KCNQ1: variants seen among roughly 807,000 people sequenced by gnomAD.
KCNQ1 encodes the protein potassium voltage-gated channel subfamily Q member 1.
Under a neutral mutation model 72.4 loss-of-function variants are expected in KCNQ1, and 49 were observed. The observed-to-expected ratio is 0.68, with a 90% confidence interval of 0.54 to 0.86. The LOEUF (loss-of-function observed/expected upper bound fraction) is 0.86, where lower values mean the gene tolerates loss of function less well. KCNQ1 is among the 40% of genes least tolerant of loss of function. KCNQ1 has a pLI of 0.00. For missense variants in KCNQ1, 790 were observed against 945.1 expected, an observed-to-expected ratio of 0.84 and a Z score of 2.15; for synonymous variants, 450 against 412.6, an observed-to-expected ratio of 1.09 and a Z score of -1.10.
At chr11:2,557,252 G>A (rs924617136) in intron 2 of KCNQ1, among the ~76,000 whole-genome samples, 1 of 152,222 alleles carries the variant, frequency 6.6e-6, no homozygotes, top group Non-Finnish European at 1.5e-5. Context: ...TAGAAGACCT[G>A]ACTGTAATCT....
chr11:2,567,291 G>A lies in KCNQ1; in HGVS notation c.478-3337G>A, dbSNP rs905329966. 3.9e-5 allele frequency among the ~76,000 whole-genome samples: 6 copies of A among 152,156 alleles called. No individual in the cohort carries two copies. The highest frequency in any genetic ancestry group is 1.4e-4 in the African/African-American group (6 of 41,420). On this transcript the variant is annotated intron_variant, in intron 2 of 15. Transcript: ENST00000155840. This position sits in a 1 kb window ranked among gnomAD's most constrained non-coding sequence, Gnocchi z 6.6. Reference sequence around the variant, plus strand: ...GTCTGCAAATACAGATGAACCCAGGGTTAGGAGGGTGGCTGGGGCATCACC... The same window carrying A: ...GTCTGCAAATACAGATGAACCCAGGATTAGGAGGGTGGCTGGGGCATCACC...
chr11:2,653,324 C>T lies in KCNQ1; in HGVS notation c.1394-8637C>T, dbSNP rs1003566163. On this transcript the variant is annotated intron_variant, in intron 10 of 15. Transcript: ENST00000155840. The surrounding 1 kb of genome is among the most constrained non-coding windows in gnomAD (Gnocchi z 5.3). ...TAGCTATTTTGTAACCTTGACTGCCCCCAGGCCCATGTCCGTAGGCTCACA... is the reference window on the plus strand; with the variant it reads ...TAGCTATTTTGTAACCTTGACTGCCTCCAGGCCCATGTCCGTAGGCTCACA... 2 of 398,712 alleles carry T rather than the reference C, an allele frequency of 5.0e-6. No individual in the cohort carries two copies. The highest frequency in any genetic ancestry group is 8.8e-6 in the Non-Finnish European group (2 of 226,126). 24.7% of individuals were successfully genotyped at this position (398,712 alleles called of 1,614,324 possible).
chr11:2,732,674 C>T (rs1845875796), intron 11 of KCNQ1, among the ~76,000 whole-genome samples: 1 of 152,238 alleles, frequency 6.6e-6, no homozygotes, highest in African/African-American at 2.4e-5. Flanking sequence ...GAACAATCGC[C>T]CCAGTGTGCA....
chr11:2,586,331 C>T (rs1463470163), intron 8 of KCNQ1, among the ~76,000 whole-genome samples: 1 of 152,180 alleles, frequency 6.6e-6, no homozygotes, highest in Non-Finnish European at 1.5e-5. Flanking sequence ...GCTCAGCCAT[C>T]GGGGGGGCTG....
rs931661600 is a variant in KCNQ1, at chr11:2,817,157, C to A, written c.1795-30610C>A. ...GGCTCTGCTCCACAGGCCAACTCTG[C>A]GCACGCTCCTTTCAAGGGTTAACGG... On this transcript the variant is annotated intron_variant, in intron 15 of 15. Transcript: ENST00000155840. This position sits in a 1 kb window ranked among gnomAD's most constrained non-coding sequence, Gnocchi z 6.1. Among the ~76,000 whole-genome samples the A allele has an allele frequency of 6.6e-6, 1 of 152,198 alleles. No homozygotes were observed. The highest frequency in any genetic ancestry group is 1.9e-4 in the East Asian group (1 of 5,178).
At chr11:2,730,970 G>A (rs767775229) in intron 11 of KCNQ1, among the ~76,000 whole-genome samples, 33 of 152,340 alleles carry the variant, frequency 2.2e-4, no homozygotes, top group Middle Eastern at 3.4e-3. Flanking sequence ...CCTCCCAGCC[G>A]CCGCTCTCTG....
In KCNQ1 at chr11:2,491,699, A is replaced by T. The variant is rs536144972; in HGVS notation, c.387-36229A>T. Among the ~76,000 whole-genome samples the T allele has an allele frequency of 1.3e-5, 2 of 152,332 alleles. No homozygotes were observed. Among genetic ancestry groups the T allele is most frequent in the East Asian group, 3.9e-4 (2 of 5,190 alleles). On this transcript the variant is annotated intron_variant, in intron 1 of 15. Transcript: ENST00000155840. The surrounding 1 kb of genome is among the most constrained non-coding windows in gnomAD (Gnocchi z 4.1). ...TAGAACTTCCCAAACCTAGAGAAAG[A>T]TACCAATATTCAAATACAAGAAGAT...
Position 2,619,809 on chromosome 11 carries a change from G to T in KCNQ1, c.1393+30955G>T, listed in dbSNP as rs185464443. On this transcript the variant is annotated intron_variant, in intron 10 of 15. Transcript: ENST00000155840. ...TGAATATTGGGTAGTATTCAGTCAT[G>T]AAGCTATCTGGTCCTGGGCTTTTCT... The T allele has an allele frequency of 8.4e-4, 334 of 398,148 alleles. 2 individuals are homozygous for T. The highest frequency in any genetic ancestry group is 5.7e-3 in the African/African-American group (275 of 48,540). 24.7% of individuals were successfully genotyped at this position (398,148 alleles called of 1,614,324 possible). A position where few individuals can be genotyped will look rare whatever the true frequency, so the allele number is the denominator to read the frequency against.
At chr11:2,840,132 CAATT>C (rs1191034782) in intron 15 of KCNQ1, 1 of 146,326 alleles carries the variant, frequency 6.8e-6, no homozygotes, top group African/African-American at 2.6e-5. Flanking sequence ...CATAAACAAT[CAATT>C]AACACATTTT....
At position 2,654,149 on chromosome 11, in the gene KCNQ1, G is replaced by C. The variant is rs1849800403; in HGVS notation, c.1394-7812G>C. 1 of 398,580 alleles carries C rather than the reference G, an allele frequency of 2.5e-6. No individual in the cohort carries two copies. Among genetic ancestry groups the C allele is most frequent in the Non-Finnish European group, 4.4e-6 (1 of 225,984 alleles). 24.7% of individuals were successfully genotyped at this position (398,580 alleles called of 1,614,324 possible). Reference sequence around the variant, plus strand: ...GGGGCCACTCTGGCTCAGGGTCTATGAGCCGGGCATGGGCAGCTGGCACAG... The same window carrying C: ...GGGGCCACTCTGGCTCAGGGTCTATCAGCCGGGCATGGGCAGCTGGCACAG... On this transcript the variant is annotated intron_variant, in intron 10 of 15. Transcript: ENST00000155840. The surrounding 1 kb of genome is among the most constrained non-coding windows in gnomAD (Gnocchi z 6.4).
chr11:2,662,761 C>T (rs1362051279), intron 11 of KCNQ1: 9 of 399,166 alleles, frequency 2.3e-5, no homozygotes, highest in Admixed American at 2.2e-4. Context: ...GCTGCTAACC[C>T]GTTGGGGATT....
chr11:2,519,384 T>G (rs777875864), intron 1 of KCNQ1, among the ~76,000 whole-genome samples: 8 of 152,228 alleles, frequency 5.3e-5, no homozygotes, highest in Non-Finnish European at 1.2e-4. Context: ...TCAGATGCAA[T>G]TCCATTAAGG....
intron 1 of KCNQ1, among the ~76,000 whole-genome samples, chr11:2,456,182 A>G (rs1846188574): frequency 6.6e-6 from 1 of 152,074 alleles, no homozygotes; most frequent in Admixed American, 6.5e-5. Flanking sequence ...TACTAAAAAT[A>G]CAAAAATTAG....
chr11:2,516,752 C>T lies in KCNQ1; in HGVS notation c.387-11176C>T, dbSNP rs1286912310. Among the ~76,000 whole-genome samples the T allele has an allele frequency of 2.0e-5, 3 of 152,182 alleles. No individual in the cohort carries two copies. Among genetic ancestry groups the T allele is most frequent in the Admixed American group, 6.5e-5 (1 of 15,280 alleles). On this transcript the variant is annotated intron_variant, in intron 1 of 15. Coordinates refer to ENST00000155840, the MANE Select transcript of KCNQ1 (RefSeq NM_000218.3). The surrounding 1 kb of genome is among the most constrained non-coding windows in gnomAD (Gnocchi z 7.0). Reference sequence around the variant, plus strand: ...AGCCATGCCCGGCCGAATATTGCCACAGAGGCCACCTGCCCCACCACGCCT... The same window carrying T: ...AGCCATGCCCGGCCGAATATTGCCATAGAGGCCACCTGCCCCACCACGCCT...
At chr11:2,793,375 T>C (rs1847069722) in intron 15 of KCNQ1, among the ~76,000 whole-genome samples, 1 of 137,014 alleles carries the variant, frequency 7.3e-6, no homozygotes, top group African/African-American at 2.8e-5. Context: ...ATCCCAGCTC[T>C]TTAGGAGGCC....
chr11:2,532,901 A>G (rs1847664694), intron 2 of KCNQ1, among the ~76,000 whole-genome samples: 1 of 152,166 alleles, frequency 6.6e-6, no homozygotes, highest in Non-Finnish European at 1.5e-5. Context: ...GGGAGGTACG[A>G]GAAGCAAAGG....
chr11:2,454,055 C>T (rs1488875852), intron 1 of KCNQ1, among the ~76,000 whole-genome samples: 2 of 152,056 alleles, frequency 1.3e-5, no homozygotes, highest in Non-Finnish European at 2.9e-5. Flanking sequence ...CAGGTATGAG[C>T]CACCACACCT....
chr11:2,834,289 T>G (rs1590118938), intron 15 of KCNQ1, among the ~76,000 whole-genome samples: 1 of 151,994 alleles, frequency 6.6e-6, no homozygotes, highest in African/African-American at 2.4e-5. Flanking sequence ...TGTGTCCAGG[T>G]GGGGCAGATC....
At position 2,748,702 on chromosome 11, in the gene KCNQ1, A is replaced by AGCT. The variant is rs71464190; in HGVS notation, c.1515-20133_1515-20131dup. 0.21 allele frequency among the ~76,000 whole-genome samples: 31,997 copies of AGCT among 152,148 alleles called. 3,411 individuals are homozygous for AGCT. The highest frequency in any genetic ancestry group is 0.27 in the Middle Eastern group (80 of 294). On this transcript the variant is annotated intron_variant, in intron 11 of 15. Transcript: ENST00000155840. This position sits in a 1 kb window ranked among gnomAD's most constrained non-coding sequence, Gnocchi z 6.2. ...GGATCACAGAGCTTCGGGTCCAGCC[A>AGCT]GCTGCTGCTGCCCCTCCCTCTGGGC...
Sources: gnomAD v4.1 joint callset for allele counts (sites outside exome capture counted in the v4.1 genomes callset) on GRCh38, gnomAD v4.1.1 for gene constraint, Gnocchi (gnomAD v3.1) non-coding constraint, MANE v1.5 for transcripts, NCBI Gene and HGNC (gene_info 2026-07-23, HGNC 2026-07-21) for gene names.